Variants in SVEP1 observed in about 807,000 individuals in gnomAD.
SVEP1 encodes sushi, von Willebrand factor type A, EGF and pentraxin domain-containing protein 1.
A neutral mutation model predicts 367.3 loss-of-function variants in SVEP1; 164 were observed. That is an observed-to-expected ratio of 0.45 (90% CI 0.39 to 0.51). SVEP1 has a LOEUF of 0.51. SVEP1 is among the 20% of genes least tolerant of loss of function. The pLI, the probability that SVEP1 is intolerant of heterozygous loss-of-function variation, is 0.00. For missense variants in SVEP1, 4,117 were observed against 4,425.3 expected, an observed-to-expected ratio of 0.93 and a Z score of 1.98; for synonymous variants, 1,666 against 1,611.6, an observed-to-expected ratio of 1.03 and a Z score of -0.81.
rs763394731 is a variant in SVEP1, at chr9:110,406,691, T to C, written c.8909A>G (p.His2970Arg). ...PNGFSFIHGG[H>R]IQYQCFPGYK... The stretch of plus-strand genomic sequence containing the variant: ...ACCAGGAAAGCACTGATACTGTATA[T>C]GGCCCCCATGAATAAAGGAAAAACC... The change falls in exon 38 of 48, where the codon CAT (histidine) becomes CGT (arginine). Residue 2970 changes from histidine (H) to arginine (R), a missense_variant. His to Arg is a conservative substitution (Grantham distance 29, BLOSUM62 0). Transcript: ENST00000374469. 2 of 1,613,988 alleles carry C rather than the reference T, an allele frequency of 1.2e-6. No homozygotes were observed. Among genetic ancestry groups the C allele is most frequent in the South Asian group, 2.2e-5 (2 of 91,082 alleles).
chr9:110,572,921 C>T (rs761910948), intron 1 of SVEP1, among the ~76,000 whole-genome samples: 11 of 151,648 alleles, frequency 7.3e-5, no homozygotes, highest in Non-Finnish European at 1.0e-4. Flanking sequence ...CATTCTATTC[C>T]ATTCCACTTA....
intron 5 of SVEP1, among the ~76,000 whole-genome samples, chr9:110,505,530 A>G (rs1829611225): frequency 6.6e-6 from 1 of 152,106 alleles, no homozygotes. Context: ...TAAAAATTAT[A>G]TTGTCTTCTG....
intron 3 of SVEP1, among the ~76,000 whole-genome samples, chr9:110,535,828 T>G (rs1018596602): frequency 8.5e-5 from 13 of 152,056 alleles, no homozygotes; most frequent in African/African-American, 3.1e-4. Context: ...TTCTGAAACT[T>G]TGCTGGAGTT....
At chr9:110,367,196 G>T (rs1827214054) in intron 47 of SVEP1, among the ~76,000 whole-genome samples, 1 of 152,226 alleles carries the variant, frequency 6.6e-6, no homozygotes, top group South Asian at 2.1e-4. Flanking sequence ...ATCTTACTCT[G>T]TTGCCGAGGC....
chr9:110,461,732 A>C (rs1828861311), intron 18 of SVEP1, among the ~76,000 whole-genome samples: 1 of 152,232 alleles, frequency 6.6e-6, no homozygotes, highest in Non-Finnish European at 1.5e-5. Flanking sequence ...TAATTCAATC[A>C]AGAGATGGCA....
intron 1 of SVEP1, among the ~76,000 whole-genome samples, chr9:110,556,952 C>G (rs1830364011): frequency 6.6e-6 from 1 of 152,158 alleles, no homozygotes; most frequent in African/African-American, 2.4e-5. Flanking sequence ...AATCTGTTTT[C>G]CACATATATT....
intron 5 of SVEP1, among the ~76,000 whole-genome samples, chr9:110,507,917 T>C (rs1443814405): frequency 6.6e-6 from 1 of 152,100 alleles, no homozygotes. Context: ...TAAATTAGAG[T>C]CGGTGCCTCA....
intron 13 of SVEP1, 131 bp downstream of exon 13, chr9:110,479,504 T>C: frequency 1.9e-6 from 2 of 1,077,142 alleles, no homozygotes; most frequent in Non-Finnish European, 2.5e-6. Context: ...ATGAATAATT[T>C]TAAATATTAG....
intron 8 of SVEP1, among the ~76,000 whole-genome samples, chr9:110,490,581 G>A (rs1213874582): frequency 6.6e-6 from 1 of 151,572 alleles, no homozygotes; most frequent in Non-Finnish European, 1.5e-5. Context: ...TTGTCTTTCT[G>A]TGCTTGGCTT....
chr9:110,536,106 A>G (rs1437491251), intron 3 of SVEP1, among the ~76,000 whole-genome samples: 1 of 152,086 alleles, frequency 6.6e-6, no homozygotes, highest in Non-Finnish European at 1.5e-5. Context: ...GATGGCTCTT[A>G]TTAGTTTGAG....
intron 5 of SVEP1, among the ~76,000 whole-genome samples, chr9:110,508,125 G>A (rs562966615): frequency 2.6e-5 from 4 of 152,090 alleles, no homozygotes; most frequent in East Asian, 1.9e-4. Flanking sequence ...TCAACATGCC[G>A]AAAAATCCTG....
chr9:110,465,725 A>G, intron 18 of SVEP1, 140 bp downstream of exon 18: 1 of 1,149,054 alleles, frequency 8.7e-7, no homozygotes, highest in Non-Finnish European at 1.2e-6. Flanking sequence ...CTAAACAAAC[A>G]AAAAAACCTC....
intron 5 of SVEP1, among the ~76,000 whole-genome samples, chr9:110,506,858 AGAG>A (rs763138523): frequency 6.6e-6 from 1 of 151,944 alleles, no homozygotes; most frequent in East Asian, 1.9e-4. Context: ...AGAGGAGAGG[AGAG>A]GAGAAGAGGA....
intron 19 of SVEP1, 85 bp from the exon 20 acceptor site, chr9:110,458,647 TG>T: frequency 7.5e-7 from 1 of 1,338,204 alleles, no homozygotes; most frequent in Non-Finnish European, 1.0e-6. Flanking sequence ...AGATTCTGGT[TG>T]TCAGAGTGGG....
At chr9:110,546,770 C>T (rs1005655699) in intron 2 of SVEP1, among the ~76,000 whole-genome samples, 7 of 152,182 alleles carry the variant, frequency 4.6e-5, no homozygotes, top group Non-Finnish European at 8.8e-5. Context: ...TTGGAATAAA[C>T]ACTGTCACTT....
chr9:110,473,756 T>A (rs539617508), intron 14 of SVEP1, among the ~76,000 whole-genome samples: 52 of 152,308 alleles, frequency 3.4e-4, no homozygotes, highest in African/African-American at 1.1e-3. Flanking sequence ...CATCTCAAAA[T>A]TTATGAAATG....
Position 110,512,503 on chromosome 9 carries a change from T to A in SVEP1, c.1303+423A>T, listed in dbSNP as rs142064240. Among the ~76,000 whole-genome samples the A allele has an allele frequency of 1.7e-3, 259 of 152,274 alleles. 1 individual carries two copies. The highest frequency in any genetic ancestry group is 6.0e-3 in the African/African-American group (248 of 41,562). On this transcript the variant is annotated intron_variant, in intron 5 of 47. Coordinates refer to ENST00000374469, the MANE Select transcript of SVEP1 (RefSeq NM_153366.4). The stretch of plus-strand genomic sequence containing the variant: ...TCTCTACTTTCTATAACGGGTCGAC[T>A]AGCCGAAGTAAAGGCTGGAGATTAC...
intron 27 of SVEP1, among the ~76,000 whole-genome samples, chr9:110,437,173 G>T (rs1043456116): frequency 1.3e-5 from 2 of 152,068 alleles, no homozygotes; most frequent in Non-Finnish European, 2.9e-5. Context: ...GGCCAATGAA[G>T]AGCCAGCATG....
At chr9:110,366,661 C>A in intron 47 of SVEP1, 101 bp from the exon 48 acceptor site, 2 of 1,191,380 alleles carry the variant, frequency 1.7e-6, no homozygotes, top group South Asian at 1.6e-5. Context: ...ATTGAAAGTC[C>A]CAGATACCTG....
Sources: gnomAD v4.1 joint callset for allele counts (sites outside exome capture counted in the v4.1 genomes callset) on GRCh38, gnomAD v4.1.1 for gene constraint, MANE v1.5 for transcripts, NCBI Gene and HGNC (gene_info 2026-07-23, HGNC 2026-07-21) for gene names.